Variants in LHX6 observed in about 807,000 individuals in gnomAD.
LHX6 encodes the protein LIM/homeobox protein Lhx6.
A neutral mutation model predicts 47.1 loss-of-function variants in LHX6; 15 were observed. That is an observed-to-expected ratio of 0.32 (90% CI 0.21 to 0.49). The LOEUF is 0.49. Ranked by LOEUF, LHX6 falls within the 20% of genes least tolerant of loss-of-function variation. LHX6 has a pLI of 0.99. For synonymous variants in LHX6, 242 were observed against 233.5 expected (o/e 1.04, Z -0.33); for missense variants, 404 against 539.6 (o/e 0.75, Z 2.49).
At chr9:122,208,569 C>T (rs923694197) in intron 9 of LHX6, among the ~76,000 whole-genome samples, 28 of 152,266 alleles carry the variant, frequency 1.8e-4, no homozygotes, top group African/African-American at 4.8e-4. Flanking sequence ...CGGTGGCTCA[C>T]GCCTGTAATC....
At chr9:122,205,519 A>ACTT (rs2118816204) in intron 9 of LHX6, among the ~76,000 whole-genome samples, 2 of 152,330 alleles carry the variant, frequency 1.3e-5, no homozygotes, top group East Asian at 3.9e-4. Context: ...GTTCAGGTCA[A>ACTT]GGATCACTGG....
intron 8 of LHX6, among the ~76,000 whole-genome samples, chr9:122,211,109 T>C (rs1364605042): frequency 6.6e-6 from 1 of 152,214 alleles, no homozygotes; most frequent in Non-Finnish European, 1.5e-5. Flanking sequence ...GATCCAAATT[T>C]CTCATGCTTC....
In LHX6 at chr9:122,213,790, C is replaced by T. The variant is rs1342593258; in HGVS notation, c.880-10G>A. The stretch of plus-strand genomic sequence containing the variant: ...AGTTTTGAAACCACACCTGGAACGA[C>T]AGCCTCGGCAGCCTCAGCCTCGAGG... On this transcript the variant is annotated splice_polypyrimidine_tract_variant and intron_variant, in intron 7 of 9. Coordinates refer to ENST00000394319, the MANE Select transcript of LHX6 (RefSeq NM_014368.5). The surrounding 1 kb of genome is among the most constrained non-coding windows in gnomAD (Gnocchi z 5.5). 1.3e-6 allele frequency: 2 copies of T among 1,568,456 alleles called. No individual in the cohort carries two copies. Among genetic ancestry groups the T allele is most frequent in the Non-Finnish European group, 1.7e-6 (2 of 1,157,462 alleles).
intron 1 of LHX6, 170 bp downstream of exon 1, chr9:122,228,487 C>A: frequency 9.6e-7 from 1 of 1,044,268 alleles, no homozygotes; most frequent in Non-Finnish European, 1.2e-6. Context: ...CTTTCCGCGA[C>A]CCCCCCCCCC....
intron 8 of LHX6, among the ~76,000 whole-genome samples, chr9:122,210,734 G>A (rs1415587572): frequency 6.6e-6 from 1 of 152,044 alleles, no homozygotes; most frequent in Admixed American, 6.6e-5. Context: ...GCTAATTTTT[G>A]TATTTTTTGG....
At chr9:122,210,049 G>C (rs942901999) in intron 8 of LHX6, among the ~76,000 whole-genome samples, 4 of 152,032 alleles carry the variant, frequency 2.6e-5, no homozygotes, top group Non-Finnish European at 5.9e-5. Flanking sequence ...CTAATTTTTT[G>C]TATTTTAGCA....
intron 4 of LHX6, among the ~76,000 whole-genome samples, chr9:122,225,208 G>C (rs532454633): frequency 6.6e-6 from 1 of 152,354 alleles, no homozygotes; most frequent in South Asian, 2.1e-4. Context: ...ACGTCTTCCT[G>C]TGCAAGGATA....
chr9:122,220,102 G>A (rs1251221100), intron 4 of LHX6, among the ~76,000 whole-genome samples: 4 of 152,236 alleles, frequency 2.6e-5, no homozygotes, highest in Admixed American at 6.5e-5. Context: ...AAGACTCTCC[G>A]CGCACCGCGA....
rs770060170 is a variant in LHX6, at chr9:122,226,985, C to G, written c.202G>C (p.Glu68Gln). Residue 68 changes from glutamate (E) to glutamine (Q), a missense_variant, in exon 3 of 10, where the codon GAG (glutamate) becomes CAG (glutamine). This residue lies in a region of LHX6 where 144 missense variants were observed against 128.7 expected (regional missense o/e 1.12). Coordinates refer to ENST00000394319, the MANE Select transcript of LHX6 (RefSeq NM_014368.5). The surrounding 1 kb of genome is among the most constrained non-coding windows in gnomAD (Gnocchi z 6.5). Reference sequence around the variant, plus strand: ...GGCGTACATGGGGAGGCCTGACCCTCGTCCTTGTCCAGAGCTCCTGCCAGG... The same window carrying G: ...GGCGTACATGGGGAGGCCTGACCCTGGTCCTTGTCCAGAGCTCCTGCCAGG... ...EALAGALDKD[E>Q]GQASPCTPST... is the part of the protein sequence containing the mutation. The G allele has an allele frequency of 2.6e-6, 4 of 1,539,336 alleles. No individual in the cohort carries two copies. In the Admixed American group the frequency reaches 6.0e-5, roughly 23 times the overall value.
At chr9:122,207,722 A>T (rs566886198) in intron 9 of LHX6, among the ~76,000 whole-genome samples, 1 of 152,258 alleles carries the variant, frequency 6.6e-6, no homozygotes, top group South Asian at 2.1e-4. Context: ...CAGAGAGCTC[A>T]GTACATACTA....
chr9:122,228,202 G>A, intron 1 of LHX6: 1 of 1,474,156 alleles, frequency 6.8e-7, no homozygotes, highest in Non-Finnish European at 9.2e-7. Flanking sequence ...GGGAAACCCG[G>A]AGCAAAAAGA....
rs963971474 is a variant in LHX6 at position 122,204,567 on chromosome 9, T to C, written c.*193A>G. Reference sequence around the variant, plus strand: ...TTCCAAGAGGAGGACTCTGTGGTGCTCCTGGTGGGTTCTGGTTCTCAGCAG... The same window carrying C: ...TTCCAAGAGGAGGACTCTGTGGTGCCCCTGGTGGGTTCTGGTTCTCAGCAG... On this transcript the variant is annotated 3_prime_UTR_variant, in exon 10 of 10. Transcript: ENST00000394319. The C allele has an allele frequency of 3.6e-5, 18 of 502,164 alleles. No individual in the cohort carries two copies. The highest frequency in any genetic ancestry group is 7.2e-5 in the South Asian group (2 of 27,650). 31.1% of individuals were successfully genotyped at this position (502,164 alleles called of 1,614,324 possible).
rs1285853427 is a variant in LHX6 at position 122,226,720 on chromosome 9, A to G, written c.339+128T>C. On this transcript the variant is annotated intron_variant, in intron 3 of 9. Transcript: ENST00000394319. The surrounding 1 kb of genome is among the most constrained non-coding windows in gnomAD (Gnocchi z 6.5). ...TCAGGCAGACCCTAAGTCTTGCCCA[A>G]AGCTTCGCAGTCGGGCAGCAGTGGA... 3.1e-5 allele frequency: 40 copies of G among 1,280,936 alleles called. No individual in the cohort carries two copies. The highest frequency in any genetic ancestry group is 4.0e-5 in the Non-Finnish European group (38 of 946,890). The allele number at this position is 1,280,936 out of a possible 1,614,324, so 79.3% of individuals were successfully genotyped here. A position where few individuals can be genotyped will look rare whatever the true frequency, so the allele number is the denominator to read the frequency against.
At chr9:122,221,563 A>AC in intron 4 of LHX6, 1 of 984,796 alleles carries the variant, frequency 1.0e-6, no homozygotes, top group South Asian at 4.7e-5. Context: ...CACTCACTGA[A>AC]CCCCCACCCC....
chr9:122,221,138 C>T (rs1031243758), intron 4 of LHX6: 6 of 985,312 alleles, frequency 6.1e-6, no homozygotes, highest in East Asian at 1.1e-4. Flanking sequence ...TCCTGTGAGG[C>T]GAACAAGGTG....
rs899911347 is a variant in LHX6 at position 122,226,563 on chromosome 9, C to T, written c.340-66G>A. On this transcript the variant is annotated intron_variant, in intron 3 of 9. Transcript: ENST00000394319. This position sits in a 1 kb window ranked among gnomAD's most constrained non-coding sequence, Gnocchi z 6.5. ...CTCTTTCACTCCGGGCCCCAGCCTT[C>T]CCGGTCTCATTTACAGTCAGAGGCG... 6.4e-7 allele frequency: 1 copy of T among 1,571,482 alleles called. No individual in the cohort carries two copies.
intron 4 of LHX6, among the ~76,000 whole-genome samples, chr9:122,224,073 G>A (rs1267433241): frequency 6.6e-6 from 1 of 152,128 alleles, no homozygotes; most frequent in Non-Finnish European, 1.5e-5. Flanking sequence ...TGTTACCCAG[G>A]CTGGAGTGTA....
chr9:122,225,695 G>A (rs1207107594), intron 4 of LHX6, among the ~76,000 whole-genome samples: 1 of 152,276 alleles, frequency 6.6e-6, no homozygotes, highest in Non-Finnish European at 1.5e-5. Context: ...TGGAACAGGC[G>A]CTGGGGGCCT....
In LHX6 at chr9:122,217,999, C is replaced by A. The variant is rs1830661174; in HGVS notation, c.462-711G>T. Among the ~76,000 whole-genome samples the A allele has an allele frequency of 6.6e-6, 1 of 152,204 alleles. No homozygotes were observed. The highest frequency in any genetic ancestry group is 2.4e-5 in the African/African-American group (1 of 41,446). ...CAGCAAGTCCCTCTGGAGCCTGTGA[C>A]ATTCTATTAATAATACCAAATGTTA... On this transcript the variant is annotated intron_variant, in intron 4 of 9. Coordinates refer to ENST00000394319, the MANE Select transcript of LHX6 (RefSeq NM_014368.5). This position sits in a 1 kb window ranked among gnomAD's most constrained non-coding sequence, Gnocchi z 4.9.
Sources: allele counts gnomAD v4.1 joint callset (sites outside exome capture counted in the v4.1 genomes callset), GRCh38; gene constraint gnomAD v4.1.1; regional missense constraint gnomAD v4.1.1; non-coding constraint Gnocchi (gnomAD v3.1); transcripts MANE v1.5; gene names NCBI Gene and HGNC (gene_info 2026-07-23, HGNC 2026-07-21).